Variants in CACNA2D3 observed in about 807,000 individuals in gnomAD.
CACNA2D3 encodes the protein calcium voltage-gated channel auxiliary subunit alpha2delta 3, also known as voltage-dependent calcium channel subunit alpha-2/delta-3.
In CACNA2D3, 60 loss-of-function variants were observed where a neutral mutation model predicts 160.6. That is an observed-to-expected ratio of 0.37 (90% CI 0.30 to 0.46). CACNA2D3 has a LOEUF of 0.46. Ranked by LOEUF, CACNA2D3 falls within the 20% of genes least tolerant of loss-of-function variation. The pLI, the probability that CACNA2D3 is intolerant of heterozygous loss-of-function variation, is 1.00. For missense variants in CACNA2D3, 1,205 were observed against 1,365.0 expected, an observed-to-expected ratio of 0.88 and a Z score of 1.85; for synonymous variants, 558 against 492.9, an observed-to-expected ratio of 1.13 and a Z score of -1.75.
rs1307300019 is a variant in CACNA2D3 at position 54,253,232 on chromosome 3, T to C, written c.205-67210T>C. Among the ~76,000 whole-genome samples, 4 of 152,108 alleles carry C rather than the reference T, an allele frequency of 2.6e-5. No individual in the cohort carries two copies. The South Asian group carries it at 8.3e-4, about 32-fold the overall frequency. ...CAAGAGAGTATGGGTGGGTCTCTATTAGTGTGTTCTCACCTTGCTATAAAG... is the reference window on the plus strand; with the variant it reads ...CAAGAGAGTATGGGTGGGTCTCTATCAGTGTGTTCTCACCTTGCTATAAAG... On this transcript the variant is annotated intron_variant, in intron 2 of 37. Transcript: ENST00000474759.
chr3:54,664,092 C>T (rs190027816), intron 11 of CACNA2D3, among the ~76,000 whole-genome samples: 6 of 152,342 alleles, frequency 3.9e-5, no homozygotes, highest in East Asian at 1.9e-4. Context: ...TGTGCTGAGC[C>T]GAATCGGCGA....
At chr3:54,722,550 T>C (rs746039963) in intron 11 of CACNA2D3, among the ~76,000 whole-genome samples, 1 of 152,220 alleles carries the variant, frequency 6.6e-6, no homozygotes, top group Non-Finnish European at 1.5e-5. Flanking sequence ...TGTGGAGTTA[T>C]CTACCTTTGG....
intron 26 of CACNA2D3, among the ~76,000 whole-genome samples, chr3:54,898,261 C>T (rs4955906): frequency 0.44 from 62,959 of 143,200 alleles, 15,087 homozygotes; most frequent in East Asian, 0.8. Flanking sequence ...CTTGCTCCGT[C>T]ACCCAGGTTG....
At chr3:54,412,708 A>G (rs768498935) in intron 4 of CACNA2D3, among the ~76,000 whole-genome samples, 4 of 144,086 alleles carry the variant, frequency 2.8e-5, no homozygotes, top group Admixed American at 7.2e-5. Context: ...GCCTTCTTAT[A>G]TACTTTCTCT....
intron 27 of CACNA2D3, among the ~76,000 whole-genome samples, chr3:54,938,153 A>G (rs1272293588): frequency 6.6e-6 from 1 of 152,190 alleles, no homozygotes; most frequent in African/African-American, 2.4e-5. Flanking sequence ...GCAGAGTTGC[A>G]TTCTCACCAC....
intron 31 of CACNA2D3, among the ~76,000 whole-genome samples, chr3:54,992,126 G>A (rs1702755821): frequency 2.0e-5 from 3 of 152,056 alleles, no homozygotes; most frequent in South Asian, 2.1e-4. Context: ...CCAAGAAATC[G>A]TATATTAAGT....
chr3:54,697,252 T>G (rs1285077729), intron 11 of CACNA2D3, among the ~76,000 whole-genome samples: 1 of 152,120 alleles, frequency 6.6e-6, no homozygotes, highest in African/African-American at 2.4e-5. Flanking sequence ...TACTCCAACC[T>G]GGATGACAGA....
At chr3:54,940,225 G>A (rs957425097) in intron 27 of CACNA2D3, among the ~76,000 whole-genome samples, 1 of 152,216 alleles carries the variant, frequency 6.6e-6, no homozygotes, top group Non-Finnish European at 1.5e-5. Context: ...TTTAAAAGTA[G>A]ATGGGTAGCT....
At position 54,597,937 on chromosome 3, in the gene CACNA2D3, T is replaced by C. The variant is rs186220616; in HGVS notation, c.963+16060T>C. 2.4e-4 allele frequency among the ~76,000 whole-genome samples: 37 copies of C among 152,182 alleles called. No individual in the cohort carries two copies. The East Asian group carries it at 7.0e-3, about 29-fold the overall frequency. On this transcript the variant is annotated intron_variant, in intron 9 of 37. Coordinates refer to ENST00000474759, the MANE Select transcript of CACNA2D3 (RefSeq NM_018398.3). ...AGCCATGGTGACCAGCCGTGGGCAC[T>C]GGTTGTGTCACATCACACCCCTGTG...
At chr3:54,899,519 A>T (rs1009687570) in intron 26 of CACNA2D3, among the ~76,000 whole-genome samples, 2 of 152,164 alleles carry the variant, frequency 1.3e-5, no homozygotes, top group Non-Finnish European at 2.9e-5. Flanking sequence ...ATGGTGGTCA[A>T]TGGTTTCGAT....
intron 3 of CACNA2D3, among the ~76,000 whole-genome samples, chr3:54,378,646 A>G (rs113239784): frequency 7.9e-5 from 12 of 152,334 alleles, no homozygotes; most frequent in African/African-American, 2.9e-4. Flanking sequence ...AATAGCCTTG[A>G]TTTTGATAAT....
At chr3:54,358,708 A>G (rs1002761088) in intron 3 of CACNA2D3, among the ~76,000 whole-genome samples, 4 of 152,194 alleles carry the variant, frequency 2.6e-5, no homozygotes, top group Admixed American at 2.0e-4. Flanking sequence ...TGTAATTCCT[A>G]TTATGGTACT....
At chr3:54,535,529 C>T (rs967482292) in intron 5 of CACNA2D3, among the ~76,000 whole-genome samples, 4 of 152,034 alleles carry the variant, frequency 2.6e-5, no homozygotes, top group African/African-American at 9.7e-5. Context: ...TAAAATATGA[C>T]TTCTATTTTT....
chr3:55,001,894 C>T (rs1185962107), intron 31 of CACNA2D3, among the ~76,000 whole-genome samples: 1 of 152,196 alleles, frequency 6.6e-6, no homozygotes, highest in Non-Finnish European at 1.5e-5. Flanking sequence ...CGCGGTGGCT[C>T]ACGCCCATAA....
At chr3:55,009,303 G>C in intron 33 of CACNA2D3, 85 bp from the exon 34 acceptor site, 2 of 1,172,850 alleles carry the variant, frequency 1.7e-6, no homozygotes, top group Non-Finnish European at 2.6e-6. Context: ...TGAGGTAAGC[G>C]ATGCCAAAGA....
In CACNA2D3 at chr3:54,370,889, TTC is replaced by T. The variant is rs1253296956; in HGVS notation, c.322-15825_322-15824del. ...TAACATTTTTCCTTCAATCTCAGCATTCCTCCCAGCCCTAGGCATCCACAAAT... is the reference window on the plus strand; with the variant it reads ...TAACATTTTTCCTTCAATCTCAGCATCTCCCAGCCCTAGGCATCCACAAAT... On this transcript the variant is annotated intron_variant, in intron 3 of 37. Coordinates refer to ENST00000474759, the MANE Select transcript of CACNA2D3 (RefSeq NM_018398.3). Among the ~76,000 whole-genome samples, 13 of 151,520 alleles carry T rather than the reference TTC, an allele frequency of 8.6e-5. No individual in the cohort carries two copies. In the South Asian group the frequency reaches 1.7e-3, roughly 19 times the overall value.
chr3:54,833,956 T>A (rs1703932428), intron 14 of CACNA2D3, among the ~76,000 whole-genome samples: 1 of 152,172 alleles, frequency 6.6e-6, no homozygotes. Context: ...TGTGAACTGT[T>A]GCCAGACTGA....
At position 54,189,278 on chromosome 3, in the gene CACNA2D3, A is replaced by T. The variant is rs373540352; in HGVS notation, c.204+65684A>T. On this transcript the variant is annotated intron_variant, in intron 2 of 37. Transcript: ENST00000474759. ...AGTCATAGCTGAAAGGATTAAGAAG[A>T]GGCTTCCCATGAGACCAGCTCACTG... 2.2e-4 allele frequency among the ~76,000 whole-genome samples: 34 copies of T among 152,326 alleles called. No homozygotes were observed. The South Asian group carries it at 6.8e-3, about 31-fold the overall frequency.
In CACNA2D3 at chr3:54,585,373, G is replaced by A. The variant is rs1702742615; in HGVS notation, c.963+3496G>A. 3.3e-5 allele frequency among the ~76,000 whole-genome samples: 5 copies of A among 152,182 alleles called. No individual in the cohort carries two copies. The South Asian group carries it at 1.0e-3, about 32-fold the overall frequency. ...CAGCAACCACTAAGAAAACAATACA[G>A]AGAGTTATTCTTAAAAAGTAACTCA... On this transcript the variant is annotated intron_variant, in intron 9 of 37. Transcript: ENST00000474759.
Sources: allele counts gnomAD v4.1 joint callset (sites outside exome capture counted in the v4.1 genomes callset), GRCh38; gene constraint gnomAD v4.1.1; transcripts MANE v1.5; gene names NCBI Gene and HGNC (gene_info 2026-07-23, HGNC 2026-07-21).